SLC35F4: variants seen among roughly 807,000 people sequenced by gnomAD.
The protein encoded by SLC35F4 is chromosome 14 open reading frame 36.
In SLC35F4, 24 loss-of-function variants were observed where a neutral mutation model predicts 44.2. The observed-to-expected ratio is 0.54, with a 90% CI of 0.39 to 0.76. The LOEUF (loss-of-function observed/expected upper bound fraction) is 0.76, where lower values mean the gene tolerates loss of function less well. Among genes scored for constraint, SLC35F4 ranks in the 30% least tolerant of loss-of-function variants. SLC35F4 has a pLI of 0.00. For synonymous variants in SLC35F4, 238 were observed against 223.6 expected (o/e 1.06, Z -0.57); for missense variants, 562 against 586.1 (o/e 0.96, Z 0.42).
intron 1 of SLC35F4, among the ~76,000 whole-genome samples, chr14:57,818,803 A>T (rs1031401159): frequency 6.6e-6 from 1 of 152,202 alleles, no homozygotes; most frequent in Non-Finnish European, 1.5e-5. Flanking sequence ...CAGCCTCAGG[A>T]CGAAGTACAA....
intron 1 of SLC35F4, among the ~76,000 whole-genome samples, chr14:57,874,783 G>A (rs1026797854): frequency 6.6e-5 from 10 of 151,954 alleles, no homozygotes; most frequent in African/African-American, 9.7e-5. Flanking sequence ...CCTTCTTTCT[G>A]TCTTCCTCTG....
intron 1 of SLC35F4, among the ~76,000 whole-genome samples, chr14:57,794,121 G>C (rs921868588): frequency 6.6e-6 from 1 of 152,070 alleles, no homozygotes; most frequent in Non-Finnish European, 1.5e-5. Flanking sequence ...AGAAAACCTA[G>C]GGAAAACTCT....
chr14:57,645,653 C>T (rs995887758), intron 1 of SLC35F4, among the ~76,000 whole-genome samples: 2 of 151,240 alleles, frequency 1.3e-5, no homozygotes, highest in Admixed American at 6.6e-5. Flanking sequence ...GAACTTCCAA[C>T]ACTATGTTGA....
At chr14:57,877,116 G>A (rs1888414469) in intron 1 of SLC35F4, among the ~76,000 whole-genome samples, 1 of 152,044 alleles carries the variant, frequency 6.6e-6, no homozygotes, top group Non-Finnish European at 1.5e-5. Context: ...CAGGTCATGA[G>A]CCTAGTACCT....
intron 3 of SLC35F4, among the ~76,000 whole-genome samples, chr14:57,582,128 T>G (rs2139819787): frequency 6.6e-6 from 1 of 152,322 alleles, no homozygotes; most frequent in Middle Eastern, 3.4e-3. Context: ...TTCGGTTTGT[T>G]TGATTTTTCA....
At chr14:57,654,275 A>G (rs145355984) in intron 1 of SLC35F4, among the ~76,000 whole-genome samples, 1 of 152,168 alleles carries the variant, frequency 6.6e-6, no homozygotes, top group East Asian at 1.9e-4. Context: ...TACATAATCC[A>G]TTGTATCATT....
intron 1 of SLC35F4, among the ~76,000 whole-genome samples, chr14:57,908,023 G>A (rs1889139185): frequency 6.6e-6 from 1 of 151,956 alleles, no homozygotes; most frequent in African/African-American, 2.4e-5. Flanking sequence ...ACTTCCACTT[G>A]TAAGTGAGAA....
At chr14:57,707,243 G>A (rs976608691) in intron 1 of SLC35F4, among the ~76,000 whole-genome samples, 7 of 152,178 alleles carry the variant, frequency 4.6e-5, no homozygotes, top group African/African-American at 1.7e-4. Flanking sequence ...CTGCAAGCAT[G>A]ATAATGTGGT....
At chr14:57,692,335 T>G (rs1249215204) in intron 1 of SLC35F4, among the ~76,000 whole-genome samples, 1 of 152,174 alleles carries the variant, frequency 6.6e-6, no homozygotes, top group African/African-American at 2.4e-5. Flanking sequence ...TTGTGTTATA[T>G]ATGGATGGTG....
intron 2 of SLC35F4, among the ~76,000 whole-genome samples, chr14:57,591,930 G>A (rs1023162176): frequency 7.9e-5 from 12 of 152,136 alleles, no homozygotes; most frequent in African/African-American, 2.9e-4. Flanking sequence ...TATACTATGG[G>A]TGTGCTTTTG....
intron 1 of SLC35F4, among the ~76,000 whole-genome samples, chr14:57,691,017 T>C (rs550040595): frequency 2.6e-5 from 4 of 152,288 alleles, no homozygotes; most frequent in Admixed American, 2.6e-4. Flanking sequence ...TATCGGTTTG[T>C]GGCCTGGGGA....
chr14:57,781,626 G>A (rs200464520), intron 1 of SLC35F4, among the ~76,000 whole-genome samples: 1 of 152,138 alleles, frequency 6.6e-6, no homozygotes, highest in Non-Finnish European at 1.5e-5. Flanking sequence ...GTTCATTGTA[G>A]TATTATTCAC....
intron 1 of SLC35F4, among the ~76,000 whole-genome samples, chr14:57,798,082 G>A (rs1242732037): frequency 8.0e-6 from 1 of 125,714 alleles, no homozygotes; most frequent in East Asian, 2.5e-4. Context: ...AAGACCAGCT[G>A]AGCCTAGGTA....
intron 1 of SLC35F4, among the ~76,000 whole-genome samples, chr14:57,651,547 G>A (rs1158036618): frequency 6.6e-6 from 1 of 152,108 alleles, no homozygotes; most frequent in Non-Finnish European, 1.5e-5. Flanking sequence ...AACCACCTCT[G>A]AGGAGTAACC....
At chr14:57,792,497 A>T (rs573315486) in intron 1 of SLC35F4, among the ~76,000 whole-genome samples, 9 of 152,206 alleles carry the variant, frequency 5.9e-5, no homozygotes, top group Admixed American at 5.2e-4. Flanking sequence ...CTGCAACAAT[A>T]TGGAACCAGC....
At chr14:57,679,443 C>A (rs1566755694) in intron 1 of SLC35F4, among the ~76,000 whole-genome samples, 1 of 151,732 alleles carries the variant, frequency 6.6e-6, no homozygotes, top group Non-Finnish European at 1.5e-5. Flanking sequence ...AAATTGACAC[C>A]CTAATACCAC....
intron 1 of SLC35F4, among the ~76,000 whole-genome samples, chr14:57,646,601 T>C (rs1179773833): frequency 2.0e-5 from 3 of 152,116 alleles, no homozygotes; most frequent in Admixed American, 6.5e-5. Flanking sequence ...TTTTGAAGGG[T>C]TTTTTGTGTC....
At chr14:57,894,600 G>A (rs1037143754) in intron 1 of SLC35F4, among the ~76,000 whole-genome samples, 3 of 152,040 alleles carry the variant, frequency 2.0e-5, no homozygotes, top group Admixed American at 6.6e-5. Flanking sequence ...ATAATTTATT[G>A]AGACATATAT....
intron 1 of SLC35F4, among the ~76,000 whole-genome samples, chr14:57,792,323 A>T (rs2077940952): frequency 6.6e-6 from 1 of 152,172 alleles, no homozygotes; most frequent in African/African-American, 2.4e-5. Context: ...AATGTAAACT[A>T]GTGCAGCCAC....
Sources: allele counts gnomAD v4.1 joint callset (sites outside exome capture counted in the v4.1 genomes callset), GRCh38; gene constraint gnomAD v4.1.1; transcripts MANE v1.5; gene names NCBI Gene and HGNC (gene_info 2026-07-23, HGNC 2026-07-21).